Variants in PDE1C observed in about 807,000 individuals in gnomAD.
PDE1C encodes the protein dual specificity calcium/calmodulin-dependent 3',5'-cyclic nucleotide phosphodiesterase 1C.
In PDE1C, 62 loss-of-function variants were observed where a neutral mutation model predicts 93.1. That is an observed-to-expected ratio of 0.67 (90% CI 0.54 to 0.82). The LOEUF is 0.82. Ranked by LOEUF, PDE1C falls within the 40% of genes least tolerant of loss-of-function variation. PDE1C has a pLI of 0.00. For synonymous variants in PDE1C, 325 were observed against 310.1 expected (o/e 1.05, Z -0.50); for missense variants, 742 against 884.6 (o/e 0.84, Z 2.04).
chr7:31,954,582 T>C (rs1488418297), intron 2 of PDE1C, among the ~76,000 whole-genome samples: 1 of 152,204 alleles, frequency 6.6e-6, no homozygotes, highest in Non-Finnish European at 1.5e-5. Context: ...CTGGATTTTA[T>C]GTACTGTGAA....
chr7:31,719,238 C>G, the PDE1C span, among the ~76,000 whole-genome samples: 2 of 152,168 alleles, frequency 1.3e-5, no homozygotes, highest in Non-Finnish European at 2.9e-5. Flanking sequence ...TGGCTCCCAG[C>G]CATCCCTAGT....
At chr7:32,229,590 C>T (rs148467520) in intron 1 of PDE1C, among the ~76,000 whole-genome samples, 44 of 152,304 alleles carry the variant, frequency 2.9e-4, no homozygotes, top group African/African-American at 1.0e-3. Flanking sequence ...TCAAGTTCTT[C>T]AGAGGTGAAC....
At chr7:31,935,732 T>C (rs1298525949) in intron 2 of PDE1C, among the ~76,000 whole-genome samples, 1 of 152,128 alleles carries the variant, frequency 6.6e-6, no homozygotes, top group Non-Finnish European at 1.5e-5. Flanking sequence ...CTAAGAGTAG[T>C]ATAAATAAAA....
intron 1 of PDE1C, 99 bp downstream of exon 1, chr7:32,070,194 C>A: frequency 6.4e-7 from 1 of 1,571,292 alleles, no homozygotes; most frequent in Non-Finnish European, 8.6e-7. Flanking sequence ...TATTTAAAGG[C>A]CCATGCAGGA....
the PDE1C span, among the ~76,000 whole-genome samples, chr7:31,664,952 A>T: frequency 1.3e-5 from 2 of 152,210 alleles, no homozygotes; most frequent in African/African-American, 4.8e-5. Flanking sequence ...CCACCTACTT[A>T]AGAATCTCCA....
intron 1 of PDE1C, among the ~76,000 whole-genome samples, chr7:32,316,985 T>A (rs1783188251): frequency 6.6e-6 from 1 of 152,150 alleles, no homozygotes; most frequent in African/African-American, 2.4e-5. Context: ...TCCCTCTAGT[T>A]TTGAAGCCCT....
In PDE1C at chr7:32,314,878, T is replaced by C. The variant is rs867656286; in HGVS notation, c.311-105339A>G. On this transcript the variant is annotated intron_variant, in intron 1 of 1. Coordinates refer to the PDE1C transcript ENST00000672256. ...CATCTGTTGTTCACTGGTGGCTAAATTCATCTAGAACTTTTTTCCAGCTTA... is the reference window on the plus strand; with the variant it reads ...CATCTGTTGTTCACTGGTGGCTAAACTCATCTAGAACTTTTTTCCAGCTTA... 9.9e-5 allele frequency among the ~76,000 whole-genome samples: 15 copies of C among 152,010 alleles called. 1 individual carries two copies. The Middle Eastern group carries it at 0.017, about 172-fold the overall frequency.
intron 2 of PDE1C, among the ~76,000 whole-genome samples, chr7:32,181,081 C>T (rs950136853): frequency 6.6e-6 from 1 of 152,146 alleles, no homozygotes; most frequent in African/African-American, 2.4e-5. Context: ...GGAAAGTCTA[C>T]ATGATATCTG....
intron 1 of PDE1C, among the ~76,000 whole-genome samples, chr7:32,355,647 T>C (rs895987624): frequency 1.3e-5 from 2 of 152,244 alleles, no homozygotes; most frequent in Admixed American, 1.3e-4. Flanking sequence ...TAGCAGTTTG[T>C]TCCTATTTCT....
chr7:31,626,363 T>C, the PDE1C span, among the ~76,000 whole-genome samples: 2 of 152,384 alleles, frequency 1.3e-5, no homozygotes, highest in East Asian at 3.9e-4. Context: ...ATGCTTTAAC[T>C]TTGGGTGTGT....
chr7:31,619,689 G>C, the PDE1C span, among the ~76,000 whole-genome samples: 1 of 152,080 alleles, frequency 6.6e-6, no homozygotes, highest in Non-Finnish European at 1.5e-5. Context: ...CGCAGAAGAC[G>C]GGTGATTTCT....
chr7:31,861,841 T>C (rs1156667629), intron 7 of PDE1C, among the ~76,000 whole-genome samples: 1 of 152,188 alleles, frequency 6.6e-6, no homozygotes, highest in Non-Finnish European at 1.5e-5. Context: ...ATCACTTCCC[T>C]GTCTAAAACC....
chr7:31,780,803 TTGTGTGTGTGTGTGTGTG>T lies in PDE1C; in HGVS notation c.1892-5089_1892-5072del, dbSNP rs55970947. ...CATGCGTGTGTGTGCACGTGTGCAT[TTGTGTGTGTGTGTGTGTG>T]TGTGTGTGTGTGTGTGTGTGTGTCT... is the stretch of plus-strand genomic sequence containing the variant. On this transcript the variant is annotated intron_variant, in intron 16 of 17. Coordinates refer to ENST00000396191, the MANE Select transcript of PDE1C (RefSeq NM_001191057.4). 1.2e-3 allele frequency among the ~76,000 whole-genome samples: 182 copies of T among 149,726 alleles called. 1 individual carries two copies. Among genetic ancestry groups the T allele is most frequent in the African/African-American group, 3.9e-3 (161 of 40,808 alleles).
chr7:32,145,297 G>A lies in PDE1C; in HGVS notation c.308+24488C>T, dbSNP rs75360242. Reference sequence around the variant, plus strand: ...GAGCAACTGCTCACAGAGGTATTGCGCAGGACATAGCTACTTATTAAATAA... The same window carrying A: ...GAGCAACTGCTCACAGAGGTATTGCACAGGACATAGCTACTTATTAAATAA... On this transcript the variant is annotated intron_variant, in intron 3 of 18. Transcript: ENST00000396193. 3.7e-3 allele frequency among the ~76,000 whole-genome samples: 570 copies of A among 152,244 alleles called. 3 individuals are homozygous for A. Among genetic ancestry groups the A allele is most frequent in the African/African-American group, 0.013 (532 of 41,540 alleles).
chr7:32,420,297 GTGTATATATATACATGTGTATATATA>G lies in PDE1C; in HGVS notation c.310+7499_310+7524del, dbSNP rs1785391508. 7.6e-5 allele frequency among the ~76,000 whole-genome samples: 2 copies of G among 26,344 alleles called. 1 individual carries two copies. Among genetic ancestry groups the G allele is most frequent in the African/African-American group, 2.9e-4 (2 of 6,860 alleles). 17.3% of individuals were successfully genotyped at this position (26,344 alleles called of 152,430 possible). On this transcript the variant is annotated intron_variant, in intron 1 of 1. Coordinates refer to the PDE1C transcript ENST00000672256. ...TATATATATACATGTGTATATATATGTGTATATATATACATGTGTATATATATGTGTATATATATATGTGTATATAT... is the reference window on the plus strand; with the variant it reads ...TATATATATACATGTGTATATATATGTGTGTATATATATATGTGTATATAT...
the PDE1C span, among the ~76,000 whole-genome samples, chr7:31,663,938 GTTCT>G: frequency 1.3e-5 from 2 of 152,098 alleles, no homozygotes; most frequent in Non-Finnish European, 2.9e-5. Context: ...TTGCCCCACA[GTTCT>G]TTGAGTCTCT....
chr7:31,670,895 T>G, the PDE1C span, among the ~76,000 whole-genome samples: 2 of 152,106 alleles, frequency 1.3e-5, no homozygotes, highest in African/African-American at 4.8e-5. Context: ...TCGGAGACTA[T>G]GGTTGAATGT....
chr7:32,027,269 G>A (rs951489510), intron 2 of PDE1C, among the ~76,000 whole-genome samples: 1 of 151,884 alleles, frequency 6.6e-6, no homozygotes, highest in South Asian at 2.1e-4. Context: ...TGGGGATGGG[G>A]GTTATTATGG....
At chr7:31,646,718 G>A in the PDE1C span, among the ~76,000 whole-genome samples, 1 of 152,090 alleles carries the variant, frequency 6.6e-6, no homozygotes, top group Admixed American at 6.6e-5. Context: ...CAGAAAACAG[G>A]GAGGTTTTGT....
Sources: allele counts gnomAD v4.1 joint callset (sites outside exome capture counted in the v4.1 genomes callset), GRCh38; gene constraint gnomAD v4.1.1; transcripts MANE v1.5; gene names NCBI Gene and HGNC (gene_info 2026-07-23, HGNC 2026-07-21).